Variants in DIS3L2 observed in about 807,000 individuals in gnomAD.
The protein encoded by DIS3L2 is DIS3-like exonuclease 2.
A neutral mutation model predicts 97.5 loss-of-function variants in DIS3L2; 34 were observed. The ratio of observed to expected loss-of-function variants is 0.35; its 90% confidence interval spans 0.27 to 0.46. The LOEUF (loss-of-function observed/expected upper bound fraction) is 0.46. Ranked by LOEUF, DIS3L2 falls within the 20% of genes least tolerant of loss-of-function variation. The pLI is 1.00. For synonymous variants in DIS3L2, 435 were observed against 445.2 expected, an observed-to-expected ratio of 0.98 and a Z score of 0.29; for missense variants, 1,038 against 1,146.0, an observed-to-expected ratio of 0.91 and a Z score of 1.36.
At chr2:232,247,986 C>T (rs1693310584) in intron 11 of DIS3L2, among the ~76,000 whole-genome samples, 1 of 152,102 alleles carries the variant, frequency 6.6e-6, no homozygotes, top group South Asian at 2.1e-4. Context: ...ATCAGGTAGT[C>T]ATTAAGTTTC....
intron 4 of DIS3L2, among the ~76,000 whole-genome samples, chr2:232,026,356 T>G (rs565770473): frequency 6.6e-6 from 1 of 152,308 alleles, no homozygotes; most frequent in Admixed American, 6.5e-5. Context: ...AGCTCCATGC[T>G]GAAACATGGC....
exon 14 of DIS3L2, chr2:232,343,598 G>C: frequency 6.4e-7 from 1 of 1,570,856 alleles, no homozygotes; most frequent in Non-Finnish European, 8.7e-7. Context: ...AATTCCTTGT[G>C]GCGGAGAAGG....
chr2:232,106,192 T>A (rs546890081), intron 6 of DIS3L2, among the ~76,000 whole-genome samples: 10 of 152,310 alleles, frequency 6.6e-5, no homozygotes, highest in African/African-American at 2.4e-4. Flanking sequence ...TACAATTACA[T>A]TACATTGCCA....
At chr2:232,016,487 G>A (rs557174891) in intron 3 of DIS3L2, among the ~76,000 whole-genome samples, 45 of 152,204 alleles carry the variant, frequency 3.0e-4, no homozygotes, top group Non-Finnish European at 5.0e-4. Context: ...AAACTGTGTA[G>A]GCTGAGGTTC....
intron 13 of DIS3L2, among the ~76,000 whole-genome samples, chr2:232,277,766 G>A (rs1193181735): frequency 2.0e-5 from 3 of 152,186 alleles, no homozygotes; most frequent in African/African-American, 7.2e-5. Flanking sequence ...ATCATAGGGT[G>A]TACTTAGACT....
At chr2:232,290,195 T>C (rs1694559957) in intron 13 of DIS3L2, among the ~76,000 whole-genome samples, 1 of 152,254 alleles carries the variant, frequency 6.6e-6, no homozygotes, top group East Asian at 1.9e-4. Context: ...GATGAGCAGA[T>C]TGGCTGCACT....
chr2:232,294,660 A>G (rs1044061790), intron 13 of DIS3L2, among the ~76,000 whole-genome samples: 23 of 152,054 alleles, frequency 1.5e-4, no homozygotes, highest in Admixed American at 9.2e-4. Flanking sequence ...CAACTCCCTT[A>G]TCCAGTGACT....
At chr2:232,317,030 A>G (rs1359562144) in intron 14 of DIS3L2, among the ~76,000 whole-genome samples, 1 of 152,190 alleles carries the variant, frequency 6.6e-6, no homozygotes, top group Non-Finnish European at 1.5e-5. Flanking sequence ...AGGCAGCATT[A>G]GCCTCAGAAC....
At chr2:232,239,043 C>T (rs1210364581) in intron 11 of DIS3L2, among the ~76,000 whole-genome samples, 3 of 152,178 alleles carry the variant, frequency 2.0e-5, no homozygotes, top group Non-Finnish European at 4.4e-5. Context: ...ATGTTTTCAA[C>T]CCCTGTTCTA....
At chr2:232,128,816 C>A (rs1384173920) in intron 6 of DIS3L2, among the ~76,000 whole-genome samples, 2 of 152,134 alleles carry the variant, frequency 1.3e-5, no homozygotes, top group Non-Finnish European at 2.9e-5. Flanking sequence ...AGGTGATTCA[C>A]CTTTTCAACC....
At chr2:231,963,024 A>G (rs1692614688) in intron 1 of DIS3L2, among the ~76,000 whole-genome samples, 3 of 152,020 alleles carry the variant, frequency 2.0e-5, no homozygotes, top group Admixed American at 2.0e-4. Context: ...GCTATTGTGA[A>G]TAGCTCAGCC....
At chr2:232,058,318 G>C (rs1470238183) in intron 5 of DIS3L2, among the ~76,000 whole-genome samples, 1 of 152,122 alleles carries the variant, frequency 6.6e-6, no homozygotes, top group Non-Finnish European at 1.5e-5. Flanking sequence ...GGTTCTTGAC[G>C]GCTCTAATTC....
intron 3 of DIS3L2, among the ~76,000 whole-genome samples, chr2:232,022,704 T>C (rs1286535866): frequency 1.3e-5 from 2 of 152,244 alleles, no homozygotes; most frequent in Middle Eastern, 3.2e-3. Context: ...GTAAGCTCTG[T>C]GATGGTAGAG....
chr2:232,023,936 C>G (rs568001277), intron 3 of DIS3L2, among the ~76,000 whole-genome samples: 8 of 152,182 alleles, frequency 5.3e-5, no homozygotes, highest in African/African-American at 1.9e-4. Flanking sequence ...CCTAGGTAAT[C>G]TTGTTTGTAA....
At chr2:232,128,580 G>A (rs1473018638) in intron 6 of DIS3L2, among the ~76,000 whole-genome samples, 1 of 145,648 alleles carries the variant, frequency 6.9e-6, no homozygotes, top group Non-Finnish European at 1.5e-5. Flanking sequence ...TCAGCCTCCT[G>A]AGTAGCTGGG....
chr2:232,099,427 G>T (rs1351721801), intron 6 of DIS3L2, among the ~76,000 whole-genome samples: 1 of 152,020 alleles, frequency 6.6e-6, no homozygotes, highest in Non-Finnish European at 1.5e-5. Context: ...TGTTGTCCAG[G>T]CTGGTCTGAA....
intron 16 of DIS3L2, 94 bp from the exon 17 acceptor site, chr2:232,333,737 TCCACACATC>T: frequency 1.4e-6 from 2 of 1,467,464 alleles, no homozygotes; most frequent in Non-Finnish European, 1.8e-6. Context: ...ATTAGGTCTG[TCCACACATC>T]GCTGCCGACG....
chr2:232,188,589 T>C (rs1391355558), intron 9 of DIS3L2, among the ~76,000 whole-genome samples: 1 of 152,214 alleles, frequency 6.6e-6, no homozygotes, highest in Non-Finnish European at 1.5e-5. Flanking sequence ...AAATGGGTCA[T>C]GGGCTTAAGT....
chr2:232,171,094 A>G (rs1005086998), intron 9 of DIS3L2, among the ~76,000 whole-genome samples: 7 of 152,186 alleles, frequency 4.6e-5, no homozygotes, highest in African/African-American at 1.4e-4. Context: ...CCCAGGGCCT[A>G]GCTAGGTGAT....
Sources: gnomAD v4.1 joint callset for allele counts (sites outside exome capture counted in the v4.1 genomes callset) on GRCh38, gnomAD v4.1.1 for gene constraint, MANE v1.5 for transcripts, NCBI Gene and HGNC (gene_info 2026-07-23, HGNC 2026-07-21) for gene names.